Variants in WNT7B observed in about 807,000 individuals in gnomAD.
The protein encoded by WNT7B is protein Wnt-7b.
WNT7B carries 19 observed loss-of-function variants against 38.2 expected under a neutral mutation model. That is an observed-to-expected ratio of 0.50 (90% CI 0.35 to 0.73). The LOEUF (loss-of-function observed/expected upper bound fraction) is 0.73. Ranked by LOEUF, WNT7B falls within the 30% of genes least tolerant of loss-of-function variation. The probability of loss-of-function intolerance (pLI) is 0.01; values close to 1 mark genes in which losing one functional copy is unlikely to be tolerated. For synonymous variants in WNT7B, 243 were observed against 209.3 expected (o/e 1.16, Z -1.39); for missense variants, 423 against 507.9 (o/e 0.83, Z 1.61).
intron 1 of WNT7B, chr22:45,972,435 C>T (rs986848633): frequency 8.5e-6 from 2 of 236,404 alleles, no homozygotes; most frequent in Admixed American, 5.7e-5. Flanking sequence ...TCTGGGGCAG[C>T]GGCGGGAGCT....
intron 1 of WNT7B, among the ~76,000 whole-genome samples, chr22:45,957,994 A>G (rs925773167): frequency 3.3e-5 from 5 of 152,238 alleles, no homozygotes; most frequent in African/African-American, 1.2e-4. Context: ...AGCAGCTCCC[A>G]CGCAGCGAGA....
intron 3 of WNT7B, chr22:45,926,488 G>GT (rs1931086547): frequency 2.0e-6 from 2 of 985,254 alleles, no homozygotes; most frequent in South Asian, 9.4e-5. Context: ...ACAGTGCTCA[G>GT]TTACAGCCAG....
At chr22:45,971,318 C>G (rs1354042978) in intron 1 of WNT7B, among the ~76,000 whole-genome samples, 2 of 152,206 alleles carry the variant, frequency 1.3e-5, no homozygotes, top group African/African-American at 2.4e-5. Flanking sequence ...TTAAATTCCC[C>G]CAAACGGCGG....
intron 2 of WNT7B, among the ~76,000 whole-genome samples, chr22:45,947,244 G>T (rs894340490): frequency 1.3e-5 from 2 of 152,226 alleles, no homozygotes; most frequent in Admixed American, 1.3e-4. Flanking sequence ...TGAGATTCCC[G>T]GCTAAGAAGT....
intron 3 of WNT7B, among the ~76,000 whole-genome samples, chr22:45,929,965 T>C (rs1044223642): frequency 6.7e-6 from 1 of 148,480 alleles, no homozygotes; most frequent in Non-Finnish European, 1.5e-5. Flanking sequence ...CTCATACATC[T>C]ATCCATCCAT....
intron 3 of WNT7B, chr22:45,927,208 G>C: frequency 1.0e-6 from 1 of 985,358 alleles, no homozygotes. Context: ...GCTGGGGGCC[G>C]GGCACTGGGC....
At chr22:45,933,130 C>CCAGCCTTAGGAGAAGACCT (rs1931419912) in intron 2 of WNT7B, among the ~76,000 whole-genome samples, 1 of 152,152 alleles carries the variant, frequency 6.6e-6, no homozygotes, top group African/African-American at 2.4e-5. Flanking sequence ...ATGGGGCCCA[C>CCAGCCTTAGGAGAAGACCT]CAGCCTTAGG....
Position 45,931,220 on chromosome 22 carries a change from C to T in WNT7B, c.448G>A (p.Gly150Ser), listed in dbSNP as rs1931343915. The T allele has an allele frequency of 1.3e-6, 2 of 1,599,318 alleles. No homozygotes were observed. The highest frequency in any genetic ancestry group is 1.7e-6 in the Non-Finnish European group (2 of 1,179,846). Reference protein sequence around the residue: ...YYNQAEGWKWGGCSADVRYGI... With the variant: ...YYNQAEGWKWSGCSADVRYGI... Reference sequence around the variant, plus strand: ...TAACGCACGTCGGCCGAGCAGCCGCCCCACTTCCAGCCCTCGGCTTGGTTG... The same window carrying T: ...TAACGCACGTCGGCCGAGCAGCCGCTCCACTTCCAGCCCTCGGCTTGGTTG... The change falls in exon 3 of 4, where the codon GGC (glycine) becomes AGC (serine). Residue 150 changes from glycine (G) to serine (S), a missense_variant. Coordinates refer to ENST00000339464, the MANE Select transcript of WNT7B (RefSeq NM_058238.3).
rs535777552 is a variant in WNT7B at position 45,965,626 on chromosome 22, G to A, written c.71+11058C>T. The stretch of plus-strand genomic sequence containing the variant: ...CCTGGGCATCCAGGACCACACACAT[G>A]CTGACCCAACAAAGCTGGCCAGGCT... On this transcript the variant is annotated intron_variant, in intron 1 of 3. Coordinates refer to ENST00000339464, the MANE Select transcript of WNT7B (RefSeq NM_058238.3). This position sits in a 1 kb window ranked among gnomAD's most constrained non-coding sequence, Gnocchi z 6.5. Among the ~76,000 whole-genome samples, 114 of 152,296 alleles carry A rather than the reference G, an allele frequency of 7.5e-4. No homozygotes were observed. Among genetic ancestry groups the A allele is most frequent in the African/African-American group, 2.7e-3 (111 of 41,562 alleles).
chr22:45,923,378 C>G (rs1337309772), intron 3 of WNT7B, 43 bp from the exon 4 acceptor site: 1 of 1,556,580 alleles, frequency 6.4e-7, no homozygotes, highest in African/African-American at 1.3e-5. Context: ...ATGGCCCAAG[C>G]TGGGCCCCTC....
intron 2 of WNT7B, among the ~76,000 whole-genome samples, chr22:45,942,824 G>T (rs1047136345): frequency 6.6e-6 from 1 of 152,176 alleles, no homozygotes; most frequent in African/African-American, 2.4e-5. Flanking sequence ...TGGGCCTCAT[G>T]GTCCTGGCCT....
chr22:45,949,331 G>A (rs968747495), intron 2 of WNT7B, among the ~76,000 whole-genome samples: 87 of 52,232 alleles, frequency 1.7e-3, no homozygotes, highest in African/African-American at 6.4e-3. Flanking sequence ...CCCCACACCC[G>A]CCCACCCACC....
At chr22:45,935,500 C>A (rs1931492768) in intron 2 of WNT7B, among the ~76,000 whole-genome samples, 2 of 152,326 alleles carry the variant, frequency 1.3e-5, no homozygotes, top group South Asian at 4.1e-4. Context: ...TACCTGCCCA[C>A]CCTCCCACAT....
intron 3 of WNT7B, among the ~76,000 whole-genome samples, chr22:45,924,196 C>A (rs747703546): frequency 1.1e-4 from 17 of 152,236 alleles, no homozygotes; most frequent in African/African-American, 4.1e-4. Flanking sequence ...TGGCCTCACT[C>A]GGCAGCCCAG....
At chr22:45,964,292 A>C (rs78835307) in intron 1 of WNT7B, among the ~76,000 whole-genome samples, 4,540 of 152,214 alleles carry the variant, frequency 0.03, 225 homozygotes, top group African/African-American at 0.099. Flanking sequence ...CCTGAGGCTC[A>C]GAAAGGTGTG....
At chr22:45,933,903 C>G (rs1392449403) in intron 2 of WNT7B, among the ~76,000 whole-genome samples, 1 of 152,152 alleles carries the variant, frequency 6.6e-6, no homozygotes, top group Non-Finnish European at 1.5e-5. Context: ...CACTTTCTGT[C>G]CAGGTGCCAG....
chr22:45,975,951 A>T lies in WNT7B; in HGVS notation c.71+733T>A, dbSNP rs1030114045. 8 of 153,250 alleles carry T rather than the reference A, an allele frequency of 5.2e-5. No homozygotes were observed. The highest frequency in any genetic ancestry group is 1.0e-4 in the Non-Finnish European group (7 of 69,522). 9.5% of individuals were successfully genotyped at this position (153,250 alleles called of 1,614,324 possible). ...CGGCTGGGTTCAGGAATGTGGAAAT[A>T]CGACTCGGAGCAGCTACCGCAGAGA... On this transcript the variant is annotated intron_variant, in intron 1 of 3. Coordinates refer to ENST00000339464, the MANE Select transcript of WNT7B (RefSeq NM_058238.3). This position sits in a 1 kb window ranked among gnomAD's most constrained non-coding sequence, Gnocchi z 6.6.
intron 2 of WNT7B, among the ~76,000 whole-genome samples, chr22:45,943,356 C>T (rs113696699): frequency 0.012 from 1,833 of 152,364 alleles, 41 homozygotes; most frequent in African/African-American, 0.042. Flanking sequence ...CCCGTGCGCC[C>T]GAGGCCTTTG....
In WNT7B at chr22:45,966,399, C is replaced by G. The variant is rs932966193; in HGVS notation, c.71+10285G>C. Among the ~76,000 whole-genome samples, 3 of 152,186 alleles carry G rather than the reference C, an allele frequency of 2.0e-5. No individual in the cohort carries two copies. The highest frequency in any genetic ancestry group is 1.3e-4 in the Admixed American group (2 of 15,286). ...CTGAGACACCACCAGTCCTTGTGCC[C>G]GGGCTCCCTCCGGCCTGGCCCATTC... On this transcript the variant is annotated intron_variant, in intron 1 of 3. Transcript: ENST00000339464. This position sits in a 1 kb window ranked among gnomAD's most constrained non-coding sequence, Gnocchi z 4.2.
Sources: gnomAD v4.1 joint callset for allele counts (sites outside exome capture counted in the v4.1 genomes callset) on GRCh38, gnomAD v4.1.1 for gene constraint, Gnocchi (gnomAD v3.1) non-coding constraint, MANE v1.5 for transcripts, NCBI Gene and HGNC (gene_info 2026-07-23, HGNC 2026-07-21) for gene names.